The following NRXN3 variants were observed in gnomAD, a reference collection of about 807,000 sequenced individuals.
The protein encoded by NRXN3 is neurexin 3.
Under a neutral mutation model 137.6 loss-of-function variants are expected in NRXN3, and 32 were observed. The observed-to-expected ratio is 0.23, with a 90% CI of 0.18 to 0.31. NRXN3 has a LOEUF of 0.31. Ranked by LOEUF, NRXN3 falls within the 10% of genes least tolerant of loss-of-function variation. The probability of loss-of-function intolerance (pLI) is 1.00; values close to 1 mark genes in which losing one functional copy is unlikely to be tolerated. For synonymous variants in NRXN3, 798 were observed against 784.5 expected, an observed-to-expected ratio of 1.02 and a Z score of -0.29; for missense variants, 1,574 against 2,062.5, an observed-to-expected ratio of 0.76 and a Z score of 4.59.
chr14:79,814,813 A>T (rs2099246741), intron 20 of NRXN3, among the ~76,000 whole-genome samples: 2 of 152,202 alleles, frequency 1.3e-5, no homozygotes, highest in South Asian at 4.1e-4. Flanking sequence ...AACTTTATGG[A>T]AATCTGCAAA....
At chr14:78,663,996 T>G (rs1011132798) in intron 6 of NRXN3, among the ~76,000 whole-genome samples, 4 of 152,230 alleles carry the variant, frequency 2.6e-5, no homozygotes, top group Admixed American at 2.0e-4. Context: ...AACCTTGTGT[T>G]CTGTTCCTCA....
intron 6 of NRXN3, among the ~76,000 whole-genome samples, chr14:78,658,831 A>G (rs1363871039): frequency 1.3e-5 from 2 of 152,224 alleles, no homozygotes; most frequent in Non-Finnish European, 2.9e-5. Flanking sequence ...TCTTGACAGA[A>G]TGGGAGAACC....
chr14:79,325,135 G>T lies in NRXN3; in HGVS notation c.3263-142086G>T, dbSNP rs191186618. On this transcript the variant is annotated intron_variant, in intron 15 of 20. Transcript: ENST00000335750. ...TTTTCCTACTTTTCTTTTTTTTCTGGTAGTTTGAAAAATAAACATTAGAAA... is the reference window on the plus strand; with the variant it reads ...TTTTCCTACTTTTCTTTTTTTTCTGTTAGTTTGAAAAATAAACATTAGAAA... Among the ~76,000 whole-genome samples, 261 of 151,838 alleles carry T rather than the reference G, an allele frequency of 1.7e-3. 1 individual carries two copies. Among genetic ancestry groups the T allele is most frequent in the Middle Eastern group, 6.8e-3 (2 of 294 alleles).
At chr14:79,852,857 A>G (rs1281535043) in intron 20 of NRXN3, among the ~76,000 whole-genome samples, 1 of 151,290 alleles carries the variant, frequency 6.6e-6, no homozygotes, top group East Asian at 1.9e-4. Flanking sequence ...AGTGCTTTTT[A>G]TATTATATAT....
At chr14:78,914,508 G>T (rs2099249716) in intron 10 of NRXN3, among the ~76,000 whole-genome samples, 1 of 152,134 alleles carries the variant, frequency 6.6e-6, no homozygotes, top group Non-Finnish European at 1.5e-5. Flanking sequence ...GTAAAAGATT[G>T]CCTGAGTGAG....
Position 79,055,575 on chromosome 14 carries a change from C to G in NRXN3, c.3262+67434C>G, listed in dbSNP as rs186068114. On this transcript the variant is annotated intron_variant, in intron 15 of 20. Coordinates refer to ENST00000335750, the MANE Select transcript of NRXN3 (RefSeq NM_001330195.2). ...TTTAAGTATACCTATATACATTTCT[C>G]TCATATGATATGACAGGCTTGAAAA... Among the ~76,000 whole-genome samples, 174 of 152,190 alleles carry G rather than the reference C, an allele frequency of 1.1e-3. 1 individual carries two copies. Among genetic ancestry groups the G allele is most frequent in the Non-Finnish European group, 2.5e-4 (17 of 68,004 alleles).
intron 19 of NRXN3, among the ~76,000 whole-genome samples, chr14:79,735,021 A>G (rs2098937126): frequency 6.6e-6 from 1 of 152,172 alleles, no homozygotes; most frequent in Non-Finnish European, 1.5e-5. Flanking sequence ...ATTTTATTCA[A>G]TTTAAAGAAT....
intron 15 of NRXN3, among the ~76,000 whole-genome samples, chr14:79,233,751 C>G (rs2072701769): frequency 6.6e-6 from 1 of 151,410 alleles, no homozygotes. Context: ...GCAAGCTTTT[C>G]TAGATAAATT....
chr14:79,698,600 G>A (rs1238198244), intron 19 of NRXN3, among the ~76,000 whole-genome samples: 2 of 151,986 alleles, frequency 1.3e-5, no homozygotes, highest in African/African-American at 4.8e-5. Context: ...TTTTCCACTT[G>A]AAAGTAATTA....
At chr14:79,019,541 G>A (rs1293201667) in intron 15 of NRXN3, among the ~76,000 whole-genome samples, 1 of 152,134 alleles carries the variant, frequency 6.6e-6, no homozygotes, top group Admixed American at 6.6e-5. Flanking sequence ...GGAGAAAGGT[G>A]CACTTGAATA....
At chr14:78,262,045 A>G (rs1485965896) in intron 2 of NRXN3, among the ~76,000 whole-genome samples, 1 of 152,202 alleles carries the variant, frequency 6.6e-6, no homozygotes, top group Non-Finnish European at 1.5e-5. Flanking sequence ...GGGAAATCTA[A>G]TGAAAACCAG....
intron 8 of NRXN3, among the ~76,000 whole-genome samples, chr14:78,777,885 C>T (rs911291444): frequency 6.6e-6 from 1 of 152,148 alleles, no homozygotes; most frequent in Non-Finnish European, 1.5e-5. Context: ...ACCTTAGCAT[C>T]CCAAGTAACT....
chr14:78,855,173 A>C (rs1002664643), intron 10 of NRXN3, among the ~76,000 whole-genome samples: 3 of 150,764 alleles, frequency 2.0e-5, no homozygotes, highest in Non-Finnish European at 4.4e-5. Flanking sequence ...AAAAAAAAAA[A>C]AACATACAAA....
intron 4 of NRXN3, among the ~76,000 whole-genome samples, chr14:78,543,297 T>C (rs1342831288): frequency 1.3e-5 from 2 of 152,200 alleles, no homozygotes; most frequent in Admixed American, 1.3e-4. Context: ...TCCTGATATT[T>C]TATGTAAAAC....
chr14:78,684,765 G>T (rs1188444360), intron 6 of NRXN3, among the ~76,000 whole-genome samples: 1 of 152,184 alleles, frequency 6.6e-6, no homozygotes, highest in Non-Finnish European at 1.5e-5. Flanking sequence ...CTATACTTCA[G>T]TTTGGGAGAC....
At chr14:78,679,552 G>A (rs2098051239) in intron 6 of NRXN3, among the ~76,000 whole-genome samples, 1 of 152,120 alleles carries the variant, frequency 6.6e-6, no homozygotes, top group Non-Finnish European at 1.5e-5. Flanking sequence ...ACATGCTAAT[G>A]TATAGAAAGC....
intron 4 of NRXN3, among the ~76,000 whole-genome samples, chr14:78,491,904 G>A (rs556735805): frequency 6.6e-6 from 1 of 152,244 alleles, no homozygotes; most frequent in Admixed American, 6.5e-5. Context: ...AAATCTGACT[G>A]TGGAAGCCTT....
Position 79,803,849 on chromosome 14 carries a change from C to T in NRXN3, c.4015-1263C>T, listed in dbSNP as rs371227295. 4.7e-3 allele frequency among the ~76,000 whole-genome samples: 706 copies of T among 150,690 alleles called. 41 individuals carry two copies. The South Asian group carries it at 0.13, about 28-fold the overall frequency. On this transcript the variant is annotated intron_variant, in intron 19 of 20. Coordinates refer to ENST00000335750, the MANE Select transcript of NRXN3 (RefSeq NM_001330195.2). Reference sequence around the variant, plus strand: ...TAATAGTCATCCCTGTCCCAAAAGACGGTTGTGAGAATCACGTCTAATTAA... The same window carrying T: ...TAATAGTCATCCCTGTCCCAAAAGATGGTTGTGAGAATCACGTCTAATTAA...
intron 15 of NRXN3, among the ~76,000 whole-genome samples, chr14:79,198,580 A>G (rs2065458068): frequency 6.6e-6 from 1 of 152,228 alleles, no homozygotes; most frequent in Non-Finnish European, 1.5e-5. Context: ...AATGATAGAA[A>G]AAGTTAAGGG....
Sources: gnomAD v4.1 joint callset for allele counts (sites outside exome capture counted in the v4.1 genomes callset) on GRCh38, gnomAD v4.1.1 for gene constraint, MANE v1.5 for transcripts, NCBI Gene and HGNC (gene_info 2026-07-23, HGNC 2026-07-21) for gene names.